Variants in ZNF207 observed in about 807,000 individuals in gnomAD.
The protein encoded by ZNF207 is BUB3-interacting and GLEBS motif-containing protein ZNF207.
In ZNF207, 24 loss-of-function variants were observed where a neutral mutation model predicts 60.2. The ratio of observed to expected loss-of-function variants is 0.40; its 90% CI spans 0.29 to 0.56. The LOEUF is 0.56. ZNF207 is among the 20% of genes least tolerant of loss of function. The probability of loss-of-function intolerance (pLI) is 0.49; values close to 1 mark genes in which losing one functional copy is unlikely to be tolerated. For missense variants in ZNF207, 452 were observed against 636.6 expected, an observed-to-expected ratio of 0.71 and a Z score of 3.12; for synonymous variants, 236 against 194.7, an observed-to-expected ratio of 1.21 and a Z score of -1.77.
intron 2 of ZNF207, among the ~76,000 whole-genome samples, chr17:32,358,152 A>G (rs1258489699): frequency 6.6e-6 from 1 of 152,200 alleles, no homozygotes; most frequent in Non-Finnish European, 1.5e-5. Context: ...CCTGATTTGG[A>G]TAGGACTACT....
chr17:32,379,934 A>G lies in ZNF207; in HGVS notation c.*10175A>G, dbSNP rs1308525017. ...CCTAGATTAAAACCAGCATATGCTA[A>G]GAATGTTTTTACATTCTGTTTCCTC... is the stretch of plus-strand genomic sequence containing the variant. On this transcript the variant is annotated 3_prime_UTR_variant, in exon 12 of 12. Coordinates refer to ENST00000394670, the MANE Select transcript of ZNF207 (RefSeq NM_001098507.2). 1 of 152,218 alleles carries G rather than the reference A, an allele frequency of 6.6e-6. No homozygotes were observed. Among genetic ancestry groups the G allele is most frequent in the African/African-American group, 2.4e-5 (1 of 41,464 alleles). 9.4% of individuals were successfully genotyped at this position (152,218 alleles called of 1,614,324 possible). A position where few individuals can be genotyped will look rare whatever the true frequency, so the allele number is the denominator to read the frequency against.
chr17:32,361,234 A>G, intron 5 of ZNF207: 1 of 563,692 alleles, frequency 1.8e-6, no homozygotes, highest in Non-Finnish European at 3.1e-6. Context: ...GGTTATTTAT[A>G]GATTTGCGTT....
At position 32,366,722 on chromosome 17, in the gene ZNF207, G is replaced by A; in HGVS notation, c.886G>A (p.Ala296Thr). 1 of 1,611,424 alleles carries A rather than the reference G, an allele frequency of 6.2e-7. No individual in the cohort carries two copies. ...TASSNSESLSASSKALFPSTA... is the reference protein window; with the variant it reads ...TASSNSESLSTSSKALFPSTA... ...TTCATCCAATTCAGAAAGTCTGTCT[G>A]CATCTTCTAAAGCTCTGTTTCCTAG... The change falls in exon 9 of 12, where the codon GCA becomes ACA. Residue 296 changes from alanine (A) to threonine (T), a missense_variant. Physicochemically the swap from Ala to Thr is moderately conservative, Grantham distance 58. This residue lies in a region of ZNF207 where 390 missense variants were observed against 461.4 expected (regional missense o/e 0.85). Transcript: ENST00000394670.
At chr17:32,367,016 A>G (rs1264157229) in intron 9 of ZNF207, among the ~76,000 whole-genome samples, 2 of 151,970 alleles carry the variant, frequency 1.3e-5, no homozygotes, top group Non-Finnish European at 2.9e-5. Context: ...AGCCTGATGC[A>G]TGATTAAGCT....
rs570397421 is a variant in ZNF207, at chr17:32,357,109, G to A, written c.169-1394G>A. 2.8e-3 allele frequency among the ~76,000 whole-genome samples: 430 copies of A among 151,902 alleles called. 2 individuals carry two copies. The highest frequency in any genetic ancestry group is 6.8e-3 in the Middle Eastern group (2 of 292). ...AGGTGGGAGGGTGGCTTGAGCTTGG[G>A]AGGCGGAGGTTGCAGTGAACTGAGA... is the stretch of plus-strand genomic sequence containing the variant. On this transcript the variant is annotated intron_variant, in intron 2 of 11. Coordinates refer to ENST00000394670, the MANE Select transcript of ZNF207 (RefSeq NM_001098507.2).
chr17:32,360,266 C>T (rs937807064), intron 3 of ZNF207, among the ~76,000 whole-genome samples: 1 of 149,076 alleles, frequency 6.7e-6, no homozygotes, highest in Non-Finnish European at 1.5e-5. Context: ...GGGAGGATCG[C>T]TTCAGCCCAG....
chr17:32,366,490 C>CT (rs967846821), intron 8 of ZNF207, among the ~76,000 whole-genome samples, 175 bp from the exon 9 acceptor site: 1 of 152,188 alleles, frequency 6.6e-6, no homozygotes, highest in Non-Finnish European at 1.5e-5. Flanking sequence ...GAGGCTCATA[C>CT]TTTAATTTTG....
At chr17:32,362,131 AGTGTGTGTGT>A (rs57093226) in intron 6 of ZNF207, among the ~76,000 whole-genome samples, 25 of 146,024 alleles carry the variant, frequency 1.7e-4, no homozygotes, top group South Asian at 4.4e-4. Context: ...AAAAAAAAAA[AGTGTGTGTGT>A]GTGTGTGTGT....
At chr17:32,360,488 GA>G (rs946591839) in intron 3 of ZNF207, 109 bp from the exon 4 acceptor site, 1 of 1,116,876 alleles carries the variant, frequency 9.0e-7, no homozygotes, top group African/African-American at 1.6e-5. Flanking sequence ...TTTTGGGGAA[GA>G]AAAATCTCAT....
At chr17:32,369,039 A>C (rs1905339288) in intron 10 of ZNF207, 1 of 423,498 alleles carries the variant, frequency 2.4e-6, no homozygotes, top group Non-Finnish European at 4.2e-6. Flanking sequence ...ATACTTCATT[A>C]GATAGTTTCT....
Position 32,379,919 on chromosome 17 carries a change from A to C in ZNF207, c.*10160A>C, listed in dbSNP as rs1238276426. On this transcript the variant is annotated 3_prime_UTR_variant, in exon 12 of 12. Coordinates refer to ENST00000394670, the MANE Select transcript of ZNF207 (RefSeq NM_001098507.2). The stretch of plus-strand genomic sequence containing the variant: ...AGTTTTTAACTATATCCTAGATTAA[A>C]ACCAGCATATGCTAAGAATGTTTTT... The C allele has an allele frequency of 6.6e-6, 1 of 152,206 alleles. No individual in the cohort carries two copies. Among genetic ancestry groups the C allele is most frequent in the African/African-American group, 2.4e-5 (1 of 41,466 alleles). 9.4% of individuals were successfully genotyped at this position (152,206 alleles called of 1,614,324 possible). A position where few individuals can be genotyped will look rare whatever the true frequency, so the allele number is the denominator to read the frequency against.
chr17:32,369,991 T>C lies in ZNF207; in HGVS notation c.*232T>C. ...ATACTGTATGGCTTCTTTTTCATGTTTCATCTAGGTTTTTAGAAGTGAAGT... is the reference window on the plus strand; with the variant it reads ...ATACTGTATGGCTTCTTTTTCATGTCTCATCTAGGTTTTTAGAAGTGAAGT... On this transcript the variant is annotated 3_prime_UTR_variant, in exon 12 of 12. Transcript: ENST00000394670. The C allele has an allele frequency of 2.5e-6, 1 of 392,232 alleles. No homozygotes were observed. Among genetic ancestry groups the C allele is most frequent in the Non-Finnish European group, 4.3e-6 (1 of 235,252 alleles). 24.3% of individuals were successfully genotyped at this position (392,232 alleles called of 1,614,324 possible). A position where few individuals can be genotyped will look rare whatever the true frequency, so the allele number is the denominator to read the frequency against.
At chr17:32,365,597 T>A in intron 8 of ZNF207, 110 bp downstream of exon 8, 2 of 955,206 alleles carry the variant, frequency 2.1e-6, no homozygotes, top group Non-Finnish European at 2.8e-6. Flanking sequence ...TATAATATTT[T>A]TAATATTATT....
At chr17:32,368,158 C>T (rs1905286601) in intron 10 of ZNF207, 144 bp downstream of exon 10, 2 of 1,179,224 alleles carry the variant, frequency 1.7e-6, no homozygotes, top group African/African-American at 3.1e-5. Flanking sequence ...CATTCTGATT[C>T]TTAAGAAATC....
Position 32,377,072 on chromosome 17 carries a change from A to G in ZNF207, c.*7313A>G, listed in dbSNP as rs1905700953. 6.6e-6 allele frequency: 1 copy of G among 152,062 alleles called. No individual in the cohort carries two copies. The highest frequency in any genetic ancestry group is 2.4e-5 in the African/African-American group (1 of 41,454). 9.4% of individuals were successfully genotyped at this position (152,062 alleles called of 1,614,324 possible). On this transcript the variant is annotated 3_prime_UTR_variant, in exon 12 of 12. Coordinates refer to ENST00000394670, the MANE Select transcript of ZNF207 (RefSeq NM_001098507.2). ...AAATTCATTGATGGCCAACTTGGAT[A>G]AAAATGAAGAATGATATTTTCCCAG...
intron 2 of ZNF207, among the ~76,000 whole-genome samples, chr17:32,354,489 A>C (rs1904386451): frequency 6.6e-6 from 1 of 151,998 alleles, no homozygotes; most frequent in Non-Finnish European, 1.5e-5. Context: ...TTGTATTTTT[A>C]GTAGAGATGG....
rs1905466338 is a variant in ZNF207 at position 32,371,636 on chromosome 17, C to T, written c.*1877C>T. ...CGTTAGTGTGTGTCTGTGGTCCCAG[C>T]TGCTCAAGAGGCTGAGGAAGGAGGT... On this transcript the variant is annotated 3_prime_UTR_variant, in exon 12 of 12. Transcript: ENST00000394670. 1 of 152,226 alleles carries T rather than the reference C, an allele frequency of 6.6e-6. No homozygotes were observed. The highest frequency in any genetic ancestry group is 6.5e-5 in the Admixed American group (1 of 15,280). 9.4% of individuals were successfully genotyped at this position (152,226 alleles called of 1,614,324 possible).
chr17:32,370,464 T>C lies in ZNF207; in HGVS notation c.*705T>C, dbSNP rs377049133. ...TTACCAATGCAGTTTTGATATATCA[T>C]TGGATTCTGTCTTTGAGTTGTAGGT... On this transcript the variant is annotated 3_prime_UTR_variant, in exon 12 of 12. Coordinates refer to ENST00000394670, the MANE Select transcript of ZNF207 (RefSeq NM_001098507.2). The C allele has an allele frequency of 6.6e-6, 1 of 152,454 alleles. No individual in the cohort carries two copies. Among genetic ancestry groups the C allele is most frequent in the Non-Finnish European group, 1.5e-5 (1 of 68,042 alleles). 9.4% of individuals were successfully genotyped at this position (152,454 alleles called of 1,614,324 possible).
chr17:32,368,333 A>C (rs1905294636), intron 10 of ZNF207: 1 of 295,628 alleles, frequency 3.4e-6, no homozygotes, highest in Non-Finnish European at 6.4e-6. Flanking sequence ...AATAAACGTT[A>C]AGTGTGAAGT....
Sources: allele counts gnomAD v4.1 joint callset (sites outside exome capture counted in the v4.1 genomes callset), GRCh38; gene constraint gnomAD v4.1.1; regional missense constraint gnomAD v4.1.1; transcripts MANE v1.5; gene names NCBI Gene and HGNC (gene_info 2026-07-23, HGNC 2026-07-21).